Variants in ANTXR1 observed in about 807,000 individuals in gnomAD.
The protein encoded by ANTXR1 is anthrax toxin receptor 1.
ANTXR1 carries 19 observed loss-of-function variants against 78.1 expected under a neutral mutation model. The ratio of observed to expected loss-of-function variants is 0.24; its 90% CI spans 0.17 to 0.36. The LOEUF (loss-of-function observed/expected upper bound fraction) is 0.36. Among genes scored for constraint, ANTXR1 ranks in the 10% least tolerant of loss-of-function variants. ANTXR1 has a pLI of 1.00. For missense variants in ANTXR1, 518 were observed against 718.6 expected, an observed-to-expected ratio of 0.72 and a Z score of 3.19; for synonymous variants, 273 against 260.5, an observed-to-expected ratio of 1.05 and a Z score of -0.46.
At chr2:69,065,011 TAAC>T (rs1481362166) in intron 3 of ANTXR1, among the ~76,000 whole-genome samples, 2 of 151,832 alleles carry the variant, frequency 1.3e-5, no homozygotes, top group Admixed American at 6.6e-5. Context: ...AGGAAAATAA[TAAC>T]AAGTGAATCA....
chr2:69,157,228 G>A (rs531462561), intron 13 of ANTXR1, among the ~76,000 whole-genome samples: 7 of 151,918 alleles, frequency 4.6e-5, no homozygotes, highest in South Asian at 2.1e-4. Flanking sequence ...CTTCTCCTAC[G>A]TCTCTGTGCA....
At chr2:69,024,322 C>T (rs1671282103) in intron 1 of ANTXR1, among the ~76,000 whole-genome samples, 1 of 151,884 alleles carries the variant, frequency 6.6e-6, no homozygotes, top group South Asian at 2.1e-4. Context: ...TGTTGTAAGC[C>T]CAAGGGTAAT....
At chr2:69,231,334 T>C (rs1268084716) in intron 17 of ANTXR1, among the ~76,000 whole-genome samples, 3 of 152,126 alleles carry the variant, frequency 2.0e-5, no homozygotes, top group African/African-American at 7.2e-5. Context: ...GGACCTTGGG[T>C]TCCAGTGGCA....
intron 1 of ANTXR1, among the ~76,000 whole-genome samples, chr2:69,015,725 GAA>G (rs1317050384): frequency 6.6e-6 from 1 of 151,818 alleles, no homozygotes; most frequent in African/African-American, 2.4e-5. Context: ...AACCATAAAG[GAA>G]AATAGAGATT....
chr2:69,152,304 G>A (rs1673419685), intron 13 of ANTXR1, 40 bp downstream of exon 13: 1 of 1,588,040 alleles, frequency 6.3e-7, no homozygotes, highest in Non-Finnish European at 8.6e-7. Flanking sequence ...GGTGAAGGGT[G>A]ACATAAAGTT....
chr2:69,025,609 T>C (rs6546469), intron 1 of ANTXR1, among the ~76,000 whole-genome samples: 42,376 of 152,104 alleles, frequency 0.28, 11,382 homozygotes, highest in African/African-American at 0.67. Flanking sequence ...AATTATATAG[T>C]AAATAAGAAT....
At chr2:69,067,321 A>G (rs76760762) in intron 3 of ANTXR1, among the ~76,000 whole-genome samples, 2 of 151,172 alleles carry the variant, frequency 1.3e-5, no homozygotes, top group East Asian at 3.9e-4. Context: ...AAAAAAAAAA[A>G]GTCAAGAAAA....
rs776718589 is a variant in ANTXR1, at chr2:69,123,044, C to G, written c.830C>G (p.Thr277Ser). ...GAGAAGCCCTTTTCTGTGGAAGATACTTATTTACTGTGTCCAGCGCCTATC... is the reference window on the plus strand; with the variant it reads ...GAGAAGCCCTTTTCTGTGGAAGATAGTTATTTACTGTGTCCAGCGCCTATC... ...LNEKPFSVEDTYLLCPAPILK... is the reference protein window; with the variant it reads ...LNEKPFSVEDSYLLCPAPILK... Residue 277 changes from threonine (T) to serine (S), a missense_variant, in exon 11 of 18, where the codon ACT becomes AGT. Thr to Ser is a moderately conservative substitution (Grantham distance 58). Around this residue, in one of 5 missense-constraint regions of ANTXR1, gnomAD observed 264 missense variants for 391.8 expected, o/e 0.67. Transcript: ENST00000303714. 12 of 1,614,136 alleles carry G rather than the reference C, an allele frequency of 7.4e-6. No homozygotes were observed. Among genetic ancestry groups the G allele is most frequent in the Middle Eastern group, 1.6e-4 (1 of 6,062 alleles).
At chr2:69,064,304 A>G (rs1340497798) in intron 3 of ANTXR1, among the ~76,000 whole-genome samples, 1 of 152,152 alleles carries the variant, frequency 6.6e-6, no homozygotes, top group African/African-American at 2.4e-5. Context: ...GGGAAATACA[A>G]TGCTTCTGGA....
chr2:69,202,886 G>A (rs956323110), intron 17 of ANTXR1, among the ~76,000 whole-genome samples: 13 of 152,340 alleles, frequency 8.5e-5, no homozygotes, highest in African/African-American at 3.1e-4. Flanking sequence ...AATTTGAAAA[G>A]ATGGGAGCTT....
At chr2:69,235,210 A>T (rs1675725918) in intron 17 of ANTXR1, among the ~76,000 whole-genome samples, 1 of 151,760 alleles carries the variant, frequency 6.6e-6, no homozygotes, top group Non-Finnish European at 1.5e-5. Flanking sequence ...TTTAGTAGAG[A>T]CAGGGTTTCT....
chr2:69,057,814 C>A (rs1443953854), intron 3 of ANTXR1, among the ~76,000 whole-genome samples: 2 of 152,182 alleles, frequency 1.3e-5, no homozygotes, highest in Non-Finnish European at 2.9e-5. Context: ...AGGCCAAGAG[C>A]AAGGCGTCTT....
chr2:69,238,258 A>G (rs191515522), intron 17 of ANTXR1, among the ~76,000 whole-genome samples: 1 of 152,338 alleles, frequency 6.6e-6, no homozygotes, highest in Non-Finnish European at 1.5e-5. Flanking sequence ...TCAGGGTCAC[A>G]GATCACAAAT....
At chr2:69,132,038 C>T (rs1412256475) in intron 12 of ANTXR1, among the ~76,000 whole-genome samples, 2 of 152,160 alleles carry the variant, frequency 1.3e-5, no homozygotes, top group African/African-American at 2.4e-5. Context: ...GGGCAGGCCT[C>T]TAGTCTGTGA....
chr2:69,157,416 T>A (rs1017295932), intron 13 of ANTXR1, among the ~76,000 whole-genome samples: 2 of 152,280 alleles, frequency 1.3e-5, no homozygotes, highest in East Asian at 3.9e-4. Flanking sequence ...CCAGCCCACA[T>A]TAAAGGGACC....
At position 69,210,818 on chromosome 2, in the gene ANTXR1, C is replaced by T. The variant is rs540148047; in HGVS notation, c.1434+17403C>T. On this transcript the variant is annotated intron_variant, in intron 17 of 17. Transcript: ENST00000303714. ...AGGTATGGTGGCACAGGCCTATAGT[C>T]CCAGCTACTTGGCAGGCTGTGGCAC... 3.3e-5 allele frequency among the ~76,000 whole-genome samples: 5 copies of T among 152,136 alleles called. No homozygotes were observed. In the East Asian group the frequency reaches 7.7e-4, roughly 24 times the overall value.
Position 69,146,259 on chromosome 2 carries a change from C to T in ANTXR1, c.952-5910C>T, listed in dbSNP as rs976252719. ...AAGATGCAACCCCATGGGCTGCCTGCTTGACCACAGAAGTGCTTCCAGCTC... is the reference window on the plus strand; with the variant it reads ...AAGATGCAACCCCATGGGCTGCCTGTTTGACCACAGAAGTGCTTCCAGCTC... On this transcript the variant is annotated intron_variant, in intron 12 of 17. Transcript: ENST00000303714. 16 of 985,422 alleles carry T rather than the reference C, an allele frequency of 1.6e-5. No homozygotes were observed. The Admixed American group carries it at 9.8e-4, about 60-fold the overall frequency. 61.0% of individuals were successfully genotyped at this position (985,422 alleles called of 1,614,324 possible). A position where few individuals can be genotyped will look rare whatever the true frequency, so the allele number is the denominator to read the frequency against.
At chr2:69,093,678 T>C (rs10048797) in intron 9 of ANTXR1, among the ~76,000 whole-genome samples, 15,468 of 152,218 alleles carry the variant, frequency 0.1, 898 homozygotes, top group African/African-American at 0.15. Context: ...ATTAAAGCAA[T>C]TCAACAGATA....
intron 17 of ANTXR1, among the ~76,000 whole-genome samples, chr2:69,231,241 C>T (rs1475483873): frequency 6.6e-6 from 1 of 152,132 alleles, no homozygotes; most frequent in Non-Finnish European, 1.5e-5. Flanking sequence ...AGGATAATAT[C>T]CAGAGGACAG....
Sources: allele counts gnomAD v4.1 joint callset (sites outside exome capture counted in the v4.1 genomes callset), GRCh38; gene constraint gnomAD v4.1.1; regional missense constraint gnomAD v4.1.1; transcripts MANE v1.5; gene names NCBI Gene and HGNC (gene_info 2026-07-23, HGNC 2026-07-21).